STAU2: variants seen among roughly 807,000 people sequenced by gnomAD.
The protein encoded by STAU2 is double-stranded RNA-binding protein Staufen homolog 2.
In STAU2, 20 loss-of-function variants were observed where a neutral mutation model predicts 65.9. That is an observed-to-expected ratio of 0.30 (90% CI 0.21 to 0.44). The LOEUF (loss-of-function observed/expected upper bound fraction) is 0.44. STAU2 is among the 20% of genes least tolerant of loss of function. The pLI is 1.00. For synonymous variants in STAU2, 232 were observed against 233.9 expected, an observed-to-expected ratio of 0.99 and a Z score of 0.07; for missense variants, 558 against 683.9, an observed-to-expected ratio of 0.82 and a Z score of 2.05.
chr8:73,693,807 C>T (rs1819521600), intron 4 of STAU2, among the ~76,000 whole-genome samples: 1 of 152,208 alleles, frequency 6.6e-6, no homozygotes, highest in East Asian at 1.9e-4. Flanking sequence ...TTCTTTCTAA[C>T]TCTCAGCTTC....
rs1563464042 is a variant in STAU2, at chr8:73,622,138, T to TAGTAGAGACAGGG, written c.411-4688_411-4687insCCCTGTCTCTACT. Among the ~76,000 whole-genome samples the TAGTAGAGACAGGG allele has an allele frequency of 3.0e-3, 188 of 63,062 alleles. 4 individuals carry two copies. The highest frequency in any genetic ancestry group is 7.3e-3 in the East Asian group (11 of 1,516). The allele number at this position is 63,062 out of a possible 152,430, so 41.4% of individuals were successfully genotyped here. ...TGCCCAGCTAATTTTTTTTTTTTTTTTTTTTTTGAGACGGAGTCTCGCTGT... is the reference window on the plus strand; with the variant it reads ...TGCCCAGCTAATTTTTTTTTTTTTTTAGTAGAGACAGGGTTTTTTTGAGACGGAGTCTCGCTGT... On this transcript the variant is annotated intron_variant, in intron 6 of 14. Transcript: ENST00000524300.
chr8:73,448,441 C>T (rs568936547), intron 13 of STAU2, among the ~76,000 whole-genome samples: 2 of 152,194 alleles, frequency 1.3e-5, no homozygotes, highest in Admixed American at 1.3e-4. Flanking sequence ...CGCCGCCACG[C>T]CCGGCTAATT....
intron 13 of STAU2, among the ~76,000 whole-genome samples, chr8:73,461,052 C>T (rs2077179723): frequency 6.6e-6 from 1 of 152,216 alleles, no homozygotes; most frequent in African/African-American, 2.4e-5. Flanking sequence ...CAAGTTCTTT[C>T]GAATGTATTG....
intron 13 of STAU2, among the ~76,000 whole-genome samples, chr8:73,444,838 A>G (rs180845275): frequency 2.6e-4 from 40 of 152,286 alleles, no homozygotes. Flanking sequence ...CCTCCTCAAG[A>G]TGGCTTCCCT....
intron 3 of STAU2, among the ~76,000 whole-genome samples, chr8:73,721,607 T>C (rs527562344): frequency 7.2e-5 from 11 of 152,322 alleles, no homozygotes; most frequent in African/African-American, 2.6e-4. Context: ...TGCATAAACA[T>C]GTAACATCAT....
intron 12 of STAU2, among the ~76,000 whole-genome samples, chr8:73,553,542 C>T (rs559345030): frequency 4.6e-5 from 7 of 152,256 alleles, no homozygotes; most frequent in African/African-American, 1.2e-4. Flanking sequence ...AAAATCTATT[C>T]GACTTGGTTT....
At position 73,495,662 on chromosome 8, in the gene STAU2, A is replaced by AATATATATATATATATATATATATATAT. The variant is rs3032943; in HGVS notation, c.1530+56349_1530+56350insATATATATATATATATATATATATATAT. Among the ~76,000 whole-genome samples the AATATATATATATATATATATATATATAT allele has an allele frequency of 2.7e-4, 36 of 132,492 alleles. 1 individual carries two copies. The highest frequency in any genetic ancestry group is 5.3e-4 in the East Asian group (2 of 3,756). 86.9% of individuals were successfully genotyped at this position (132,492 alleles called of 152,430 possible). A position where few individuals can be genotyped will look rare whatever the true frequency, so the allele number is the denominator to read the frequency against. On this transcript the variant is annotated intron_variant, in intron 13 of 14. Coordinates refer to ENST00000524300, the MANE Select transcript of STAU2 (RefSeq NM_001164380.2). ...CTCTAAGGAATGATTCATAAAGCCAAATATATATATATATATATATATATA... is the reference window on the plus strand; with the variant it reads ...CTCTAAGGAATGATTCATAAAGCCAAATATATATATATATATATATATATATATATATATATATATATATATATATATA...
intron 13 of STAU2, among the ~76,000 whole-genome samples, chr8:73,450,010 A>G (rs1563599184): frequency 6.6e-6 from 1 of 152,234 alleles, no homozygotes; most frequent in Non-Finnish European, 1.5e-5. Flanking sequence ...AGGCAGCAGG[A>G]TATGCCGGGC....
chr8:73,669,238 C>A, intron 6 of STAU2: 2 of 577,390 alleles, frequency 3.5e-6, no homozygotes, highest in South Asian at 2.4e-5. Context: ...CTAGTACTTT[C>A]CGATATTCTT....
intron 11 of STAU2, among the ~76,000 whole-genome samples, chr8:73,593,469 T>C (rs1810967142): frequency 6.6e-6 from 1 of 152,188 alleles, no homozygotes; most frequent in South Asian, 2.1e-4. Flanking sequence ...GTCTCAGTCA[T>C]CTTATTAAAA....
At chr8:73,608,337 G>C (rs1330353417) in intron 9 of STAU2, among the ~76,000 whole-genome samples, 1 of 152,178 alleles carries the variant, frequency 6.6e-6, no homozygotes, top group East Asian at 1.9e-4. Flanking sequence ...GCCAAGCACA[G>C]TGGCTCACTC....
chr8:73,649,984 G>A (rs1305977309), intron 6 of STAU2, among the ~76,000 whole-genome samples: 1 of 146,108 alleles, frequency 6.8e-6, no homozygotes, highest in African/African-American at 2.5e-5. Flanking sequence ...CAAAAACACA[G>A]TAACACTGGT....
intron 13 of STAU2, among the ~76,000 whole-genome samples, chr8:73,539,970 G>C (rs1007265180): frequency 6.6e-6 from 1 of 150,812 alleles, no homozygotes; most frequent in Non-Finnish European, 1.5e-5. Context: ...GAAAAAGAGA[G>C]AAAAAAGGAG....
chr8:73,523,282 G>C (rs1823157428), intron 13 of STAU2, among the ~76,000 whole-genome samples: 1 of 151,640 alleles, frequency 6.6e-6, no homozygotes, highest in African/African-American at 2.4e-5. Flanking sequence ...ACCAGGCTAT[G>C]GGTTAAATTT....
intron 13 of STAU2, among the ~76,000 whole-genome samples, chr8:73,545,014 A>C (rs561724824): frequency 6.6e-6 from 1 of 152,338 alleles, no homozygotes; most frequent in Non-Finnish European, 1.5e-5. Flanking sequence ...AGTACTGCCC[A>C]GTGTGAGCAA....
upstream of STAU2, chr8:73,746,894 T>TCCGCCC (rs1276218704): frequency 1.2e-6 from 1 of 804,166 alleles, no homozygotes; most frequent in East Asian, 5.9e-5. Flanking sequence ...GCCCCCCGCC[T>TCCGCCC]CCGCCCGCCT....
At chr8:73,744,589 C>T (rs1048925523) in intron 1 of STAU2, among the ~76,000 whole-genome samples, 1 of 151,778 alleles carries the variant, frequency 6.6e-6, no homozygotes, top group South Asian at 2.1e-4. Flanking sequence ...TGATGACTAT[C>T]TTAGATTTTT....
At chr8:73,499,451 G>A (rs113145745) in intron 13 of STAU2, among the ~76,000 whole-genome samples, 11 of 151,978 alleles carry the variant, frequency 7.2e-5, no homozygotes, top group African/African-American at 2.4e-4. Flanking sequence ...CCAAAAGGAA[G>A]AGATAAGTCA....
chr8:73,467,828 T>G (rs992501454), intron 13 of STAU2, among the ~76,000 whole-genome samples: 29 of 152,272 alleles, frequency 1.9e-4, no homozygotes, highest in African/African-American at 6.5e-4. Context: ...TGGAAGAACA[T>G]TCCATGCTCA....
Sources: gnomAD v4.1 joint callset for allele counts (sites outside exome capture counted in the v4.1 genomes callset) on GRCh38, gnomAD v4.1.1 for gene constraint, MANE v1.5 for transcripts, NCBI Gene and HGNC (gene_info 2026-07-23, HGNC 2026-07-21) for gene names.